The following EEFSEC variants were observed in gnomAD, a reference collection of about 807,000 sequenced individuals.
The protein encoded by EEFSEC is eukaryotic elongation factor, selenocysteine-tRNA specific.
Under a neutral mutation model 42.1 loss-of-function variants are expected in EEFSEC, and 43 were observed. The observed-to-expected ratio is 1.02, with a 90% CI of 0.80 to 1.32. The LOEUF is 1.32. Among genes scored for constraint, EEFSEC ranks in the 40% most tolerant of loss-of-function variants. The pLI, the probability that EEFSEC is intolerant of heterozygous loss-of-function variation, is 0.00. For synonymous variants in EEFSEC, 354 were observed against 339.1 expected, an observed-to-expected ratio of 1.04 and a Z score of -0.48; for missense variants, 745 against 803.6, an observed-to-expected ratio of 0.93 and a Z score of 0.88.
intron 4 of EEFSEC, among the ~76,000 whole-genome samples, chr3:128,303,472 A>C (rs989198169): frequency 9.9e-5 from 15 of 152,178 alleles, no homozygotes; most frequent in African/African-American, 3.6e-4. Context: ...TTAATTTTTG[A>C]ATGAGGTTAT....
chr3:128,154,472 CAG>C (rs1255832903), intron 1 of EEFSEC, among the ~76,000 whole-genome samples: 49 of 150,652 alleles, frequency 3.3e-4, no homozygotes, highest in African/African-American at 1.1e-3. Flanking sequence ...CTTTTTGAGA[CAG>C]AGTCTTGTTC....
intron 6 of EEFSEC, 102 bp downstream of exon 6, chr3:128,358,475 C>T (rs2067485801): frequency 1.3e-6 from 2 of 1,506,042 alleles, no homozygotes; most frequent in East Asian, 2.3e-5. Context: ...GGTTCCTAAT[C>T]CTGCCTTTGC....
chr3:128,341,674 C>A lies in EEFSEC; in HGVS notation c.1228C>A (p.Gln410Lys), dbSNP rs1427288285. The A allele has an allele frequency of 6.2e-7, 1 of 1,614,104 alleles. No individual in the cohort carries two copies. Among genetic ancestry groups the A allele is most frequent in the Admixed American group, 1.7e-5 (1 of 60,032 alleles). ...QATEGHCPRQ[Q>K]WALVEFEKPV... is the part of the protein sequence containing the mutation. ...CACAGAGGGCCATTGTCCTCGGCAGCAGTGGGCCCTGGTGGAGTTTGAGAA... is the reference window on the plus strand; with the variant it reads ...CACAGAGGGCCATTGTCCTCGGCAGAAGTGGGCCCTGGTGGAGTTTGAGAA... The change falls in exon 5 of 7, where the codon CAG (glutamine) becomes AAG (lysine). Residue 410 changes from glutamine to lysine, a missense_variant. Physicochemically the swap from Gln to Lys is moderately conservative, Grantham distance 53 (BLOSUM62 1). Coordinates refer to ENST00000254730, the MANE Select transcript of EEFSEC (RefSeq NM_021937.5).
At chr3:128,419,389 T>A in the EEFSEC span, among the ~76,000 whole-genome samples, 1 of 151,978 alleles carries the variant, frequency 6.6e-6, no homozygotes, top group African/African-American at 2.4e-5. Context: ...TGAAAACAGG[T>A]GAAAAAAGTT....
chr3:128,154,628 T>C (rs892850206), intron 1 of EEFSEC, among the ~76,000 whole-genome samples: 2 of 152,080 alleles, frequency 1.3e-5, no homozygotes, highest in South Asian at 4.1e-4. Flanking sequence ...TTTTTTGTAT[T>C]TTCAGTAGAG....
At chr3:128,165,878 C>G (rs1050803812) in intron 1 of EEFSEC, among the ~76,000 whole-genome samples, 1 of 152,150 alleles carries the variant, frequency 6.6e-6, no homozygotes, top group Non-Finnish European at 1.5e-5. Context: ...TGTCCTTGGT[C>G]ATTTGACATT....
chr3:128,292,493 A>G (rs963132307), intron 4 of EEFSEC, among the ~76,000 whole-genome samples: 2 of 151,626 alleles, frequency 1.3e-5, no homozygotes, highest in Non-Finnish European at 2.9e-5. Flanking sequence ...TTAAATATAT[A>G]TATGATGTAT....
At chr3:128,190,106 A>G (rs1016571428) in intron 1 of EEFSEC, among the ~76,000 whole-genome samples, 1 of 151,334 alleles carries the variant, frequency 6.6e-6, no homozygotes. Flanking sequence ...CAGGCAATGC[A>G]CCCGCCTCAG....
intron 6 of EEFSEC, among the ~76,000 whole-genome samples, chr3:128,374,907 G>A (rs2067692443): frequency 6.6e-6 from 1 of 152,212 alleles, no homozygotes. Context: ...CAGGCCATCT[G>A]GCACTGGAGC....
chr3:128,231,300 A>G (rs1417387600), intron 1 of EEFSEC, among the ~76,000 whole-genome samples: 1 of 152,368 alleles, frequency 6.6e-6, no homozygotes, highest in Non-Finnish European at 1.5e-5. Context: ...TCACATTGAC[A>G]GGACCCCAGA....
intron 6 of EEFSEC, among the ~76,000 whole-genome samples, chr3:128,384,328 A>C (rs971105663): frequency 6.6e-6 from 1 of 152,254 alleles, no homozygotes; most frequent in Non-Finnish European, 1.5e-5. Context: ...CCCCTGCAGC[A>C]GCCTGATGGA....
chr3:128,303,709 A>G (rs547560437), intron 4 of EEFSEC, among the ~76,000 whole-genome samples: 2 of 152,292 alleles, frequency 1.3e-5, no homozygotes, highest in South Asian at 4.1e-4. Flanking sequence ...ACATACTTAC[A>G]GAGACTAATT....
intron 6 of EEFSEC, among the ~76,000 whole-genome samples, chr3:128,402,852 G>A (rs1181263928): frequency 6.6e-6 from 1 of 152,188 alleles, no homozygotes; most frequent in Non-Finnish European, 1.5e-5. Flanking sequence ...TTTGGAGAGT[G>A]TTCTCTGAGT....
chr3:128,394,279 G>T (rs2067953044), intron 6 of EEFSEC, among the ~76,000 whole-genome samples: 1 of 152,188 alleles, frequency 6.6e-6, no homozygotes, highest in African/African-American at 2.4e-5. Flanking sequence ...CGCCACCCCT[G>T]CCCTTCCCCT....
chr3:128,246,672 A>G (rs371095246), intron 1 of EEFSEC, among the ~76,000 whole-genome samples, 164 bp from the exon 2 acceptor site: 229 of 152,346 alleles, frequency 1.5e-3, no homozygotes, highest in South Asian at 7.0e-3. Flanking sequence ...CTGAAGCTTC[A>G]GGTCCAAGTG....
chr3:128,248,255 C>T (rs528931904), intron 2 of EEFSEC, among the ~76,000 whole-genome samples: 83 of 152,310 alleles, frequency 5.4e-4, no homozygotes, highest in African/African-American at 1.9e-3. Flanking sequence ...CAATATCCTG[C>T]CACTTCCACC....
intron 5 of EEFSEC, among the ~76,000 whole-genome samples, chr3:128,349,432 A>G (rs2067356227): frequency 6.6e-6 from 1 of 152,144 alleles, no homozygotes. Context: ...TCTGGGAGCC[A>G]CTCACCCTAT....
intron 1 of EEFSEC, among the ~76,000 whole-genome samples, chr3:128,197,350 A>G (rs1381525758): frequency 1.3e-5 from 2 of 152,064 alleles, no homozygotes; most frequent in Non-Finnish European, 2.9e-5. Context: ...GGCTCACTGC[A>G]ACCTCTGCTT....
At chr3:128,248,376 G>T (rs961165322) in intron 2 of EEFSEC, among the ~76,000 whole-genome samples, 1 of 152,108 alleles carries the variant, frequency 6.6e-6, no homozygotes, top group Non-Finnish European at 1.5e-5. Flanking sequence ...TCCAACACCT[G>T]CAGCTCTCCC....
Sources: allele counts gnomAD v4.1 joint callset (sites outside exome capture counted in the v4.1 genomes callset), GRCh38; gene constraint gnomAD v4.1.1; transcripts MANE v1.5; gene names NCBI Gene and HGNC (gene_info 2026-07-23, HGNC 2026-07-21).